Variants in NHSL1 observed in about 807,000 individuals in gnomAD.
NHSL1 encodes NHS like 1.
NHSL1 carries 48 observed loss-of-function variants against 95.0 expected under a neutral mutation model. The ratio of observed to expected loss-of-function variants is 0.51; its 90% CI spans 0.40 to 0.64. The LOEUF (loss-of-function observed/expected upper bound fraction) is 0.64, where lower values mean the gene tolerates loss of function less well. Among genes scored for constraint, NHSL1 ranks in the 30% least tolerant of loss-of-function variants. The pLI is 0.00. For synonymous variants in NHSL1, 783 were observed against 833.9 expected (o/e 0.94, Z 1.05); for missense variants, 1,971 against 2,077.7 (o/e 0.95, Z 1.00).
chr6:138,435,568 C>T (rs1356088323), intron 5 of NHSL1, among the ~76,000 whole-genome samples: 1 of 152,064 alleles, frequency 6.6e-6, no homozygotes, highest in Non-Finnish European at 1.5e-5. Flanking sequence ...TCACAAGGAC[C>T]ACCAAAATTC....
intron 1 of NHSL1, chr6:138,651,095 A>G: frequency 8.3e-6 from 3 of 359,628 alleles, no homozygotes; most frequent in East Asian, 1.5e-4. Flanking sequence ...AAGCTTTAAT[A>G]GCTACACATG....
At chr6:138,512,984 A>G (rs1054632995) in intron 1 of NHSL1, among the ~76,000 whole-genome samples, 7 of 152,200 alleles carry the variant, frequency 4.6e-5, no homozygotes, top group East Asian at 1.9e-4. Flanking sequence ...GTGCTCTGCC[A>G]TCAGTTACCC....
chr6:138,438,648 A>G (rs1776338143), intron 5 of NHSL1, among the ~76,000 whole-genome samples: 2 of 152,164 alleles, frequency 1.3e-5, no homozygotes. Context: ...AATTATTTAT[A>G]CTTTTTCTTT....
At chr6:138,551,980 C>G (rs1476159296) in intron 1 of NHSL1, among the ~76,000 whole-genome samples, 1 of 152,176 alleles carries the variant, frequency 6.6e-6, no homozygotes, top group African/African-American at 2.4e-5. Flanking sequence ...TTGTGCTGGA[C>G]TCAAACTAAC....
intron 1 of NHSL1, among the ~76,000 whole-genome samples, chr6:138,535,833 T>C (rs1370020636): frequency 1.3e-5 from 2 of 152,170 alleles, no homozygotes; most frequent in Admixed American, 1.3e-4. Context: ...TGACATTGAC[T>C]AGGAATTATC....
intron 1 of NHSL1, among the ~76,000 whole-genome samples, chr6:138,533,028 C>G (rs1414486424): frequency 6.6e-6 from 1 of 152,134 alleles, no homozygotes; most frequent in Non-Finnish European, 1.5e-5. Flanking sequence ...AACAGAGTAC[C>G]TCTAGGTGCA....
intron 3 of NHSL1, among the ~76,000 whole-genome samples, chr6:138,471,926 C>A (rs993159871): frequency 2.6e-5 from 4 of 152,166 alleles, no homozygotes; most frequent in African/African-American, 9.6e-5. Flanking sequence ...TGCCTGTAAT[C>A]CCAGCACTTT....
Position 138,424,083 on chromosome 6 carries a change from A to T in NHSL1, c.4819T>A (p.Ter1607LysextTer9), listed in dbSNP as rs1206378985. Residue 1607 changes from the stop codon to lysine, a stop_lost, in exon 8 of 8, where the codon TAG becomes AAG. Coordinates refer to ENST00000343505, the MANE Select transcript of NHSL1 (RefSeq NM_001144060.2). The surrounding 1 kb of genome is among the most constrained non-coding windows in gnomAD (Gnocchi z 5.9). ...CTGGGAGAGTTACGTTCTTGGCCCTAACTCTCCTCGCTCAGAGAACCGCCA... is the reference window on the plus strand; with the variant it reads ...CTGGGAGAGTTACGTTCTTGGCCCTTACTCTCCTCGCTCAGAGAACCGCCA... Reference protein sequence around the residue: ...QCGGSLSEES* With the variant: ...QCGGSLSEESK 1 of 1,365,388 alleles carries T rather than the reference A, an allele frequency of 7.3e-7. No homozygotes were observed. The highest frequency in any genetic ancestry group is 1.5e-5 in the African/African-American group (1 of 68,442). 84.6% of individuals were successfully genotyped at this position (1,365,388 alleles called of 1,614,324 possible). A position where few individuals can be genotyped will look rare whatever the true frequency, so the allele number is the denominator to read the frequency against.
At chr6:138,533,694 C>T (rs1562353906) in intron 1 of NHSL1, among the ~76,000 whole-genome samples, 1 of 152,126 alleles carries the variant, frequency 6.6e-6, no homozygotes, top group Non-Finnish European at 1.5e-5. Context: ...TTTTCTAAAA[C>T]ATTGAAAACC....
chr6:138,611,388 T>C (rs898633751), intron 1 of NHSL1, among the ~76,000 whole-genome samples: 1 of 152,224 alleles, frequency 6.6e-6, no homozygotes, highest in Non-Finnish European at 1.5e-5. Context: ...CATTACTAAA[T>C]AGGTATGTGC....
At chr6:138,498,761 G>C (rs1780505125) in intron 1 of NHSL1, among the ~76,000 whole-genome samples, 1 of 152,142 alleles carries the variant, frequency 6.6e-6, no homozygotes, top group African/African-American at 2.4e-5. Flanking sequence ...AAGAGTGCCA[G>C]GGAGTTTCAG....
At position 138,498,072 on chromosome 6, in the gene NHSL1, T is replaced by G. The variant is rs575300724; in HGVS notation, c.58+1161A>C. On this transcript the variant is annotated intron_variant, in intron 1 of 7. Coordinates refer to ENST00000343505, the MANE Select transcript of NHSL1 (RefSeq NM_001144060.2). ...TACACAAAATCCACAAAGACCTGACTTAACCCTCATTTGTGTTTCAGAAGA... is the reference window on the plus strand; with the variant it reads ...TACACAAAATCCACAAAGACCTGACGTAACCCTCATTTGTGTTTCAGAAGA... 6.6e-5 allele frequency among the ~76,000 whole-genome samples: 10 copies of G among 152,306 alleles called. No individual in the cohort carries two copies. The South Asian group carries it at 1.9e-3, about 28-fold the overall frequency.
intron 1 of NHSL1, among the ~76,000 whole-genome samples, chr6:138,583,558 T>C (rs1784091919): frequency 6.6e-6 from 1 of 152,120 alleles, no homozygotes; most frequent in African/African-American, 2.4e-5. Flanking sequence ...GCATTTGCCA[T>C]TCCAGACTGT....
intron 2 of NHSL1, among the ~76,000 whole-genome samples, chr6:138,473,814 A>G (rs1216939571): frequency 1.3e-5 from 2 of 152,046 alleles, no homozygotes; most frequent in South Asian, 4.2e-4. Flanking sequence ...GGCCTTAGTT[A>G]CCAGATTATG....
At chr6:138,574,085 G>A (rs1198572316), upstream of NHSL1, among the ~76,000 whole-genome samples, 2 of 151,954 alleles carry the variant, frequency 1.3e-5, no homozygotes, top group Non-Finnish European at 2.9e-5. Context: ...CTGCCACCAC[G>A]CCTGGCTAAT....
intron 1 of NHSL1, among the ~76,000 whole-genome samples, chr6:138,555,306 G>A (rs939953896): frequency 3.3e-5 from 5 of 152,052 alleles, no homozygotes; most frequent in Non-Finnish European, 5.9e-5. Context: ...TTTCCTTTGC[G>A]TTCTATTTCT....
chr6:138,524,856 C>T (rs1489854753), intron 1 of NHSL1, among the ~76,000 whole-genome samples: 1 of 152,062 alleles, frequency 6.6e-6, no homozygotes, highest in Non-Finnish European at 1.5e-5. Context: ...TCTCATAAAA[C>T]GTTACCAGAA....
intron 1 of NHSL1, among the ~76,000 whole-genome samples, chr6:138,531,342 C>A (rs1257306266): frequency 6.6e-6 from 1 of 152,160 alleles, no homozygotes; most frequent in African/African-American, 2.4e-5. Context: ...TTTACTCTTA[C>A]AGAATACTGT....
intron 1 of NHSL1, among the ~76,000 whole-genome samples, chr6:138,659,840 G>A (rs1202492039): frequency 2.6e-5 from 4 of 151,156 alleles, no homozygotes; most frequent in Non-Finnish European, 5.9e-5. Context: ...TCAGCCTCCT[G>A]AGTAATTGGG....
Sources: allele counts gnomAD v4.1 joint callset (sites outside exome capture counted in the v4.1 genomes callset), GRCh38; gene constraint gnomAD v4.1.1; non-coding constraint Gnocchi (gnomAD v3.1); transcripts MANE v1.5; gene names NCBI Gene and HGNC (gene_info 2026-07-23, HGNC 2026-07-21).